Variants in WWOX observed in about 807,000 individuals in gnomAD.
The protein encoded by WWOX is WW domain containing oxidoreductase, also known as WW domain-containing oxidoreductase.
Under a neutral mutation model 46.2 loss-of-function variants are expected in WWOX, and 69 were observed. That is an observed-to-expected ratio of 1.49 (90% CI 1.23 to 1.82). The LOEUF is 1.82. WWOX is among the 40% of genes most tolerant of loss of function. The probability of loss-of-function intolerance (pLI) is 0.00; values close to 1 mark genes in which losing one functional copy is unlikely to be tolerated. For synonymous variants in WWOX, 359 were observed against 202.6 expected, an observed-to-expected ratio of 1.77 and a Z score of -6.56; for missense variants, 919 against 542.6, an observed-to-expected ratio of 1.69 and a Z score of -6.89.
chr16:79,063,328 G>A (rs539341936), intron 8 of WWOX, among the ~76,000 whole-genome samples: 2 of 152,082 alleles, frequency 1.3e-5, no homozygotes, highest in African/African-American at 2.4e-5. Flanking sequence ...TTTTTGTTCC[G>A]AAATCGGAAT....
intron 8 of WWOX, among the ~76,000 whole-genome samples, chr16:78,906,630 G>A (rs60554456): frequency 6.6e-6 from 1 of 152,202 alleles, no homozygotes; most frequent in African/African-American, 2.4e-5. Flanking sequence ...ATGCCAGTCA[G>A]CTTCAGTGAT....
intron 8 of WWOX, among the ~76,000 whole-genome samples, chr16:79,210,616 A>G (rs1480167499): frequency 1.3e-5 from 2 of 152,316 alleles, no homozygotes; most frequent in East Asian, 3.9e-4. Context: ...GGGCTCTGAA[A>G]CACATAAATA....
At chr16:79,015,329 AC>A (rs2047391723) in intron 8 of WWOX, among the ~76,000 whole-genome samples, 1 of 152,152 alleles carries the variant, frequency 6.6e-6, no homozygotes, top group African/African-American at 2.4e-5. Flanking sequence ...TTCCAGTGCC[AC>A]CATGATTTCC....
At chr16:78,456,905 G>A (rs377315732) in intron 8 of WWOX, among the ~76,000 whole-genome samples, 36 of 152,322 alleles carry the variant, frequency 2.4e-4, no homozygotes, top group African/African-American at 7.5e-4. Context: ...TTCACGTGGC[G>A]TTGGCTGATC....
intron 8 of WWOX, among the ~76,000 whole-genome samples, chr16:78,821,350 C>G (rs2051487681): frequency 6.6e-6 from 1 of 152,164 alleles, no homozygotes; most frequent in African/African-American, 2.4e-5. Context: ...CCCCCAGCCC[C>G]CACCCCACAA....
intron 8 of WWOX, among the ~76,000 whole-genome samples, chr16:78,938,689 G>T (rs1472890362): frequency 6.6e-6 from 1 of 152,142 alleles, no homozygotes; most frequent in Admixed American, 6.5e-5. Context: ...AGCAATGAAG[G>T]CAGACTAAGT....
intron 8 of WWOX, among the ~76,000 whole-genome samples, chr16:78,827,159 C>G (rs1428256423): frequency 3.3e-5 from 5 of 152,200 alleles, no homozygotes; most frequent in South Asian, 2.1e-4. Context: ...GCTGTTCCCC[C>G]AACTGCAAAG....
At chr16:78,691,550 T>TA (rs1227911379) in intron 8 of WWOX, among the ~76,000 whole-genome samples, 4 of 151,590 alleles carry the variant, frequency 2.6e-5, no homozygotes, top group East Asian at 1.9e-4. Context: ...CTACAAAAAA[T>TA]AAAAAAAATT....
rs2052640932 is a variant in WWOX, at chr16:78,859,015, A to G, written c.1057-352593A>G. Reference sequence around the variant, plus strand: ...GTTTTGAAATTTAAAAAAAAAAAAAAAAAAAAAAAAAAATATATATATATA... The same window carrying G: ...GTTTTGAAATTTAAAAAAAAAAAAAGAAAAAAAAAAAAATATATATATATA... On this transcript the variant is annotated intron_variant, in intron 8 of 8. Coordinates refer to ENST00000566780, the MANE Select transcript of WWOX (RefSeq NM_016373.4). Among the ~76,000 whole-genome samples the G allele has an allele frequency of 7.5e-5, 4 of 53,004 alleles. 1 individual carries two copies. Among genetic ancestry groups the G allele is most frequent in the Non-Finnish European group, 1.6e-4 (4 of 25,782 alleles). The allele number at this position is 53,004 out of a possible 152,430, so 34.8% of individuals were successfully genotyped here.
intron 8 of WWOX, among the ~76,000 whole-genome samples, chr16:78,773,199 G>C (rs2050106819): frequency 6.6e-6 from 1 of 152,166 alleles, no homozygotes; most frequent in African/African-American, 2.4e-5. Context: ...ACATTTGTTG[G>C]GCAGTTAATA....
At chr16:78,812,988 A>C (rs1186789943) in intron 8 of WWOX, among the ~76,000 whole-genome samples, 4 of 152,172 alleles carry the variant, frequency 2.6e-5, no homozygotes, top group Non-Finnish European at 4.4e-5. Flanking sequence ...ATCTTTGGGG[A>C]AACACAATTA....
chr16:78,118,038 TTTCTTTC>T (rs1470902678), intron 4 of WWOX, among the ~76,000 whole-genome samples: 13 of 145,658 alleles, frequency 8.9e-5, no homozygotes, highest in African/African-American at 2.6e-4. Context: ...TCTTTCTTTC[TTTCTTTC>T]TTTTTTTTTT....
chr16:78,201,918 C>G (rs1288148176), intron 5 of WWOX, among the ~76,000 whole-genome samples: 1 of 151,942 alleles, frequency 6.6e-6, no homozygotes, highest in Non-Finnish European at 1.5e-5. Flanking sequence ...CCAGGCTGGT[C>G]ACGAACTCCT....
In WWOX at chr16:78,718,644, G is replaced by T. The variant is rs372764530; in HGVS notation, c.1056+285892G>T. Among the ~76,000 whole-genome samples, 95 of 152,122 alleles carry T rather than the reference G, an allele frequency of 6.2e-4. 3 individuals are homozygous for T. The South Asian group carries it at 0.014, about 23-fold the overall frequency. ...GATCCCTTGAGCCCAGGATTTTGAG[G>T]CTACCCTGAGCTATGATCACACCAC... On this transcript the variant is annotated intron_variant, in intron 8 of 8. Coordinates refer to ENST00000566780, the MANE Select transcript of WWOX (RefSeq NM_016373.4).
intron 8 of WWOX, among the ~76,000 whole-genome samples, chr16:78,902,416 C>G (rs1341884493): frequency 2.6e-5 from 4 of 152,218 alleles, no homozygotes; most frequent in South Asian, 2.1e-4. Flanking sequence ...TCTCTTGTAT[C>G]CAGCAGCGCC....
intron 8 of WWOX, among the ~76,000 whole-genome samples, chr16:78,805,341 A>C (rs909042735): frequency 2.0e-5 from 3 of 152,044 alleles, no homozygotes; most frequent in Non-Finnish European, 2.9e-5. Flanking sequence ...GCTCACTGCA[A>C]GCTCCGCCTC....
chr16:78,961,658 C>T (rs112829310), intron 8 of WWOX, among the ~76,000 whole-genome samples: 3 of 152,046 alleles, frequency 2.0e-5, no homozygotes, highest in East Asian at 3.9e-4. Flanking sequence ...TCCAGCTTCA[C>T]GTGCAAGAGA....
intron 5 of WWOX, among the ~76,000 whole-genome samples, chr16:78,334,808 G>GCACACACACGCACA (rs2080843333): frequency 1.3e-5 from 1 of 78,754 alleles, no homozygotes; most frequent in Non-Finnish European, 2.9e-5. Context: ...ACACACACAC[G>GCACACACACGCACA]CACACACACA....
intron 7 of WWOX, among the ~76,000 whole-genome samples, chr16:78,425,391 G>A (rs187447317): frequency 1.2e-4 from 18 of 152,282 alleles, no homozygotes; most frequent in Non-Finnish European, 4.4e-5. Flanking sequence ...TTACCAAGAA[G>A]AATGTGCAGT....
Sources: allele counts gnomAD v4.1 joint callset (sites outside exome capture counted in the v4.1 genomes callset), GRCh38; gene constraint gnomAD v4.1.1; transcripts MANE v1.5; gene names NCBI Gene and HGNC (gene_info 2026-07-23, HGNC 2026-07-21).